The following FBXO34 variants were observed in gnomAD, a reference collection of about 807,000 sequenced individuals.
FBXO34 encodes F-box only protein 34.
In FBXO34, 12 loss-of-function variants were observed where a neutral mutation model predicts 24.5. The observed-to-expected ratio is 0.49, with a 90% CI of 0.31 to 0.79. The LOEUF is 0.79. FBXO34 is among the 30% of genes least tolerant of loss of function. The pLI is 0.04. For missense variants in FBXO34, 823 were observed against 857.7 expected, an observed-to-expected ratio of 0.96 and a Z score of 0.51; for synonymous variants, 320 against 311.9, an observed-to-expected ratio of 1.03 and a Z score of -0.27.
the FBXO34 span, among the ~76,000 whole-genome samples, chr14:55,392,293 G>GT: frequency 2.0e-5 from 3 of 152,156 alleles, no homozygotes; most frequent in East Asian, 5.8e-4. Context: ...CCACAGCCCA[G>GT]TAGGTATATG....
chr14:55,305,648 C>G (rs1364139080), intron 1 of FBXO34, among the ~76,000 whole-genome samples: 1 of 147,822 alleles, frequency 6.8e-6, no homozygotes, highest in South Asian at 2.1e-4. Context: ...GAGCCGAGAT[C>G]GTGCCACTGC....
chr14:55,407,776 T>C, the FBXO34 span, among the ~76,000 whole-genome samples: 3 of 152,080 alleles, frequency 2.0e-5, no homozygotes, highest in Non-Finnish European at 2.9e-5. Context: ...GGTACTGTGA[T>C]AGCAAATAAT....
At chr14:55,356,379 G>A (rs1461706147), downstream of FBXO34, among the ~76,000 whole-genome samples, 1 of 152,072 alleles carries the variant, frequency 6.6e-6, no homozygotes, top group Non-Finnish European at 1.5e-5. Flanking sequence ...CTGTATGTCG[G>A]GTATGCCTCG....
chr14:55,434,747 G>A, the FBXO34 span, among the ~76,000 whole-genome samples: 2 of 152,246 alleles, frequency 1.3e-5, no homozygotes, highest in East Asian at 1.9e-4. Flanking sequence ...GTAACATCGA[G>A]GTAACATTTA....
chr14:55,303,229 A>G (rs538096307), intron 1 of FBXO34, among the ~76,000 whole-genome samples: 42 of 152,292 alleles, frequency 2.8e-4, no homozygotes, highest in African/African-American at 8.2e-4. Context: ...ATGATGCAAG[A>G]AGGAGCACTA....
the FBXO34 span, among the ~76,000 whole-genome samples, chr14:55,381,328 T>C: frequency 6.6e-6 from 1 of 152,168 alleles, no homozygotes; most frequent in Non-Finnish European, 1.5e-5. Flanking sequence ...TTTTAAAGGG[T>C]TTTCCCATTG....
At chr14:55,314,532 G>A (rs78205412) in intron 1 of FBXO34, among the ~76,000 whole-genome samples, 45,895 of 149,956 alleles carry the variant, frequency 0.31, 7,209 homozygotes, top group Non-Finnish European at 0.34. Context: ...GAATGGATTG[G>A]GTATCATTAT....
downstream of FBXO34, chr14:55,369,511 AC>A: frequency 1.8e-6 from 2 of 1,108,744 alleles, no homozygotes; most frequent in Non-Finnish European, 2.5e-6. Flanking sequence ...CAACACTTTA[AC>A]CTCTTTGTTC....
At chr14:55,369,255 C>T (rs1039179307), downstream of FBXO34, 1 of 168,994 alleles carries the variant, frequency 5.9e-6, no homozygotes, top group Non-Finnish European at 1.3e-5. Flanking sequence ...ACAGTCTCAG[C>T]ACCGCAAGGA....
chr14:55,390,958 T>C, the FBXO34 span: 1 of 1,606,328 alleles, frequency 6.2e-7, no homozygotes, highest in Non-Finnish European at 8.5e-7. Flanking sequence ...TTTTAACTGT[T>C]CAATCCTCAT....
At chr14:55,382,935 C>A in the FBXO34 span, among the ~76,000 whole-genome samples, 1 of 152,200 alleles carries the variant, frequency 6.6e-6, no homozygotes, top group African/African-American at 2.4e-5. Flanking sequence ...ACCTATTATA[C>A]ATTTTTATGA....
chr14:55,303,173 C>G (rs567484347), intron 1 of FBXO34, among the ~76,000 whole-genome samples: 18 of 151,898 alleles, frequency 1.2e-4, no homozygotes, highest in South Asian at 1.0e-3. Context: ...TTGAGTGCCT[C>G]CCTGTGTGTT....
At chr14:55,404,088 T>G in the FBXO34 span, among the ~76,000 whole-genome samples, 14 of 152,170 alleles carry the variant, frequency 9.2e-5, no homozygotes, top group Non-Finnish European at 1.8e-4. Context: ...ATTATATAAT[T>G]TACTTGAGGT....
At chr14:55,289,236 GTAAT>G (rs1194113708) in intron 1 of FBXO34, among the ~76,000 whole-genome samples, 1 of 151,422 alleles carries the variant, frequency 6.6e-6, no homozygotes, top group Non-Finnish European at 1.5e-5. Context: ...TAGTTCTTAG[GTAAT>G]TAGTTTAGTG....
chr14:55,436,673 C>G, the FBXO34 span: 1 of 1,614,202 alleles, frequency 6.2e-7, no homozygotes, highest in African/African-American at 1.3e-5. Context: ...GAGGGCTGGA[C>G]TGAGTCAGTA....
At position 55,351,499 on chromosome 14, in the gene FBXO34, C is replaced by T. The variant is rs1347291670; in HGVS notation, c.1109C>T (p.Ser370Phe). The change falls in exon 2 of 2, where the codon TCT (serine) becomes TTT (phenylalanine). Residue 370 changes from serine (S) to phenylalanine (F), a missense_variant. Ser to Phe is a radical substitution (Grantham distance 155). Coordinates refer to ENST00000313833, the MANE Select transcript of FBXO34 (RefSeq NM_017943.4). ...PKEDQAWDGA[S>F]QDCPPLPAGV... ...GAGGACCAGGCCTGGGACGGTGCTT[C>T]TCAGGACTGCCCCCCATTGCCAGCA... 2.5e-6 allele frequency: 4 copies of T among 1,614,180 alleles called. No homozygotes were observed. In the East Asian group the frequency reaches 6.7e-5, roughly 27 times the overall value.
chr14:55,315,758 T>C (rs1437503046), intron 1 of FBXO34, among the ~76,000 whole-genome samples: 1 of 152,210 alleles, frequency 6.6e-6, no homozygotes, highest in Non-Finnish European at 1.5e-5. Flanking sequence ...TGTTATCAGT[T>C]CTTTTCTTTG....
At chr14:55,369,434 G>T, downstream of FBXO34, 1 of 496,318 alleles carries the variant, frequency 2.0e-6, no homozygotes, top group Non-Finnish European at 3.4e-6. Flanking sequence ...TAAGCATGTT[G>T]GTCACCATCA....
At chr14:55,355,581 A>G (rs2140098446), downstream of FBXO34, among the ~76,000 whole-genome samples, 1 of 152,316 alleles carries the variant, frequency 6.6e-6, no homozygotes, top group East Asian at 1.9e-4. Context: ...AAGCATAACA[A>G]CTGTTTACAT....
Sources: allele counts gnomAD v4.1 joint callset (sites outside exome capture counted in the v4.1 genomes callset), GRCh38; gene constraint gnomAD v4.1.1; transcripts MANE v1.5; gene names NCBI Gene and HGNC (gene_info 2026-07-23, HGNC 2026-07-21).